PFKM: variants seen among roughly 807,000 people sequenced by gnomAD.
PFKM encodes ATP-dependent 6-phosphofructokinase, muscle type.
PFKM carries 58 observed loss-of-function variants against 95.5 expected under a neutral mutation model. That is an observed-to-expected ratio of 0.61 (90% CI 0.49 to 0.76). The LOEUF (loss-of-function observed/expected upper bound fraction) is 0.76. PFKM is among the 30% of genes least tolerant of loss of function. PFKM has a pLI of 0.00. For missense variants in PFKM, 678 were observed against 1,005.4 expected (o/e 0.67, Z 4.40); for synonymous variants, 336 against 357.2 (o/e 0.94, Z 0.67).
In PFKM at chr12:48,141,818, G is replaced by A. The variant is rs1328109981; in HGVS notation, c.1491G>A (p.Gly497=). Residue 497 remains glycine, a synonymous_variant, in exon 16 of 23, where the codon GGG becomes GGA. Coordinates refer to ENST00000359794, the MANE Select transcript of PFKM (RefSeq NM_000289.6). Reference sequence around the variant, plus strand: ...ACATTCAGGGCCTTGTCATCATTGGGGGCTTTGAGGTGAGTGCCTGCCACC... The same window carrying A: ...ACATTCAGGGCCTTGTCATCATTGGAGGCTTTGAGGTGAGTGCCTGCCACC... ...KFNIQGLVII[G]GFEAYTGGLE... 3 of 1,613,656 alleles carry A rather than the reference G, an allele frequency of 1.9e-6. No homozygotes were observed. Among genetic ancestry groups the A allele is most frequent in the Non-Finnish European group, 2.5e-6 (3 of 1,179,658 alleles).
At chr12:48,118,492 G>C (rs754387611), upstream of PFKM, 6 of 1,486,954 alleles carry the variant, frequency 4.0e-6, no homozygotes, top group East Asian at 4.9e-5. Flanking sequence ...AATGTGCAGA[G>C]GTAGAGATAC....
chr12:48,136,063 A>G (rs999428263), intron 10 of PFKM, among the ~76,000 whole-genome samples: 92 of 152,030 alleles, frequency 6.1e-4, no homozygotes, highest in African/African-American at 2.1e-3. Flanking sequence ...AATATTTTGT[A>G]TTTTTAGTAG....
intron 2 of PFKM, among the ~76,000 whole-genome samples, chr12:48,128,544 A>T (rs1300863794): frequency 6.6e-6 from 1 of 152,184 alleles, no homozygotes; most frequent in Admixed American, 6.5e-5. Flanking sequence ...AGTGCCTGAA[A>T]CATGATAGGT....
chr12:48,142,708 T>C (rs957191621), intron 17 of PFKM, 74 bp from the exon 18 acceptor site: 6 of 1,358,324 alleles, frequency 4.4e-6, no homozygotes, highest in Non-Finnish European at 6.3e-6. Flanking sequence ...GTTTAATTAA[T>C]GGCAAAGATT....
upstream of PFKM, among the ~76,000 whole-genome samples, chr12:48,117,912 G>C (rs867080205): frequency 6.6e-6 from 1 of 152,176 alleles, no homozygotes; most frequent in Admixed American, 6.5e-5. Context: ...AGCAGGGAGG[G>C]GGGAGCGGGG....
At position 48,145,525 on chromosome 12, in the gene PFKM, C is replaced by G; in HGVS notation, c.2199-39C>G. ...CCTTTGGTAGAAGTTGATTGGGGTG[C>G]TAAAAGATTATATCATCATCTACCT... On this transcript the variant is annotated intron_variant, in intron 22 of 22. Coordinates refer to ENST00000359794, the MANE Select transcript of PFKM (RefSeq NM_000289.6). The surrounding 1 kb of genome is among the most constrained non-coding windows in gnomAD (Gnocchi z 4.3). 1 of 1,612,502 alleles carries G rather than the reference C, an allele frequency of 6.2e-7. No homozygotes were observed. Among genetic ancestry groups the G allele is most frequent in the Non-Finnish European group, 8.5e-7 (1 of 1,178,714 alleles).
intron 12 of PFKM, 164 bp downstream of exon 12, chr12:48,139,513 G>A: frequency 1.5e-6 from 1 of 682,750 alleles, no homozygotes; most frequent in Non-Finnish European, 2.6e-6. Flanking sequence ...AGGTGACTGG[G>A]AGGCTCAGTT....
chr12:48,129,797 A>G (rs1012713258), intron 2 of PFKM, among the ~76,000 whole-genome samples: 3 of 152,250 alleles, frequency 2.0e-5, no homozygotes, highest in Admixed American at 1.3e-4. Context: ...GATTCAGTGC[A>G]GAAAGCAAGG....
chr12:48,107,692 A>AG (rs1946815191), intron 2 of PFKM, among the ~76,000 whole-genome samples: 1 of 152,108 alleles, frequency 6.6e-6, no homozygotes, highest in Non-Finnish European at 1.5e-5. Context: ...TTGAGAGTTG[A>AG]GGGGGGAACA....
At chr12:48,132,667 A>G in intron 4 of PFKM, 1 of 612,710 alleles carries the variant, frequency 1.6e-6, no homozygotes, top group Non-Finnish European at 2.9e-6. Flanking sequence ...TCAGATGTGT[A>G]GCAAAATATG....
chr12:48,124,665 A>G (rs1197096576), intron 2 of PFKM, among the ~76,000 whole-genome samples: 1 of 152,202 alleles, frequency 6.6e-6, no homozygotes, highest in Non-Finnish European at 1.5e-5. Context: ...GGCAGGGACT[A>G]TAGATAAGCT....
Position 48,140,192 on chromosome 12 carries a change from G to A in PFKM, c.1191+280G>A, listed in dbSNP as rs187635234. Reference sequence around the variant, plus strand: ...GCAAAGAATGGGAAAGAGGGCTTATGTACTTTTTCTCTGGGAAAATATGGG... The same window carrying A: ...GCAAAGAATGGGAAAGAGGGCTTATATACTTTTTCTCTGGGAAAATATGGG... On this transcript the variant is annotated intron_variant, in intron 13 of 22. Transcript: ENST00000359794. 1.8e-3 allele frequency among the ~76,000 whole-genome samples: 273 copies of A among 152,310 alleles called. 2 individuals are homozygous for A. In the Middle Eastern group the frequency reaches 0.034, roughly 19 times the overall value.
chr12:48,140,265 T>G (rs1950462004), intron 13 of PFKM, among the ~76,000 whole-genome samples: 1 of 152,162 alleles, frequency 6.6e-6, no homozygotes, highest in Non-Finnish European at 1.5e-5. Context: ...ACTGGAGTAG[T>G]GGTTCTCAAT....
upstream of PFKM, among the ~76,000 whole-genome samples, chr12:48,118,752 C>T (rs1002739438): frequency 2.0e-5 from 3 of 152,222 alleles, no homozygotes; most frequent in African/African-American, 7.2e-5. Flanking sequence ...GCCCTTCCCT[C>T]TTGACACTTT....
intron 4 of PFKM, chr12:48,132,247 A>G (rs1245939133): frequency 2.9e-6 from 1 of 350,786 alleles, no homozygotes. Context: ...GAAAGCCTTA[A>G]TTTCCCAGGG....
chr12:48,118,155 T>A (rs530107760), upstream of PFKM, among the ~76,000 whole-genome samples: 2 of 152,326 alleles, frequency 1.3e-5, no homozygotes, highest in African/African-American at 4.8e-5. Context: ...ATGAAGTGTG[T>A]CTGGCTTCCC....
At chr12:48,113,357 C>T (rs1947376213) in intron 3 of PFKM, among the ~76,000 whole-genome samples, 1 of 152,184 alleles carries the variant, frequency 6.6e-6, no homozygotes, top group Non-Finnish European at 1.5e-5. Flanking sequence ...CTGTGATGGT[C>T]CAGGAGGCTT....
intron 1 of PFKM, chr12:48,122,478 C>T (rs2137852325): frequency 6.1e-6 from 5 of 823,726 alleles, no homozygotes; most frequent in Middle Eastern, 4.6e-4. Context: ...TTCTCTTTTC[C>T]CTGACCTTAG....
At chr12:48,132,166 A>G in intron 4 of PFKM, 2 of 444,208 alleles carry the variant, frequency 4.5e-6, no homozygotes, top group East Asian at 7.0e-5. Flanking sequence ...ATGGCTGCCC[A>G]GGAGTACATA....
Sources: allele counts gnomAD v4.1 joint callset (sites outside exome capture counted in the v4.1 genomes callset), GRCh38; gene constraint gnomAD v4.1.1; non-coding constraint Gnocchi (gnomAD v3.1); transcripts MANE v1.5; gene names NCBI Gene and HGNC (gene_info 2026-07-23, HGNC 2026-07-21).